MYO1E: variants seen among roughly 807,000 people sequenced by gnomAD.
MYO1E encodes the protein unconventional myosin-Ie.
A neutral mutation model predicts 151.1 loss-of-function variants in MYO1E; 68 were observed. The ratio of observed to expected loss-of-function variants is 0.45; its 90% CI spans 0.37 to 0.55. MYO1E has a LOEUF of 0.55. MYO1E is among the 20% of genes least tolerant of loss of function. The pLI, the probability that MYO1E is intolerant of heterozygous loss-of-function variation, is 0.00. For missense variants in MYO1E, 1,363 were observed against 1,389.3 expected (o/e 0.98, Z 0.30); for synonymous variants, 601 against 501.7 (o/e 1.20, Z -2.64).
In MYO1E at chr15:59,224,685, T is replaced by A. The variant is rs1181227074; in HGVS notation, c.777+4A>T. 2 of 1,614,092 alleles carry A rather than the reference T, an allele frequency of 1.2e-6. No individual in the cohort carries two copies. The highest frequency in any genetic ancestry group is 3.3e-5 in the Admixed American group (2 of 60,002). ...ATCCTGCCTGGCCCTGCGCCAGCACTTACCAGAGTTTCCTGAAACTCCCGC... is the reference window on the plus strand; with the variant it reads ...ATCCTGCCTGGCCCTGCGCCAGCACATACCAGAGTTTCCTGAAACTCCCGC... On this transcript the variant is annotated splice_donor_region_variant and intron_variant, in intron 8 of 27. Coordinates refer to ENST00000288235, the MANE Select transcript of MYO1E (RefSeq NM_004998.4).
chr15:59,349,255 C>T (rs1203411284), intron 1 of MYO1E, among the ~76,000 whole-genome samples: 1 of 152,122 alleles, frequency 6.6e-6, no homozygotes, highest in African/African-American at 2.4e-5. Context: ...GGTATATATG[C>T]ATATGCCTCC....
intron 1 of MYO1E, among the ~76,000 whole-genome samples, chr15:59,274,819 T>C (rs1222270400): frequency 6.6e-6 from 1 of 152,192 alleles, no homozygotes; most frequent in Non-Finnish European, 1.5e-5. Flanking sequence ...AGTTATTTCC[T>C]AGCAGAAAAG....
chr15:59,371,707 A>G (rs1427198949), intron 1 of MYO1E, among the ~76,000 whole-genome samples: 3 of 152,154 alleles, frequency 2.0e-5, no homozygotes, highest in Admixed American at 6.5e-5. Context: ...CGTCCCCTGG[A>G]TCCCCGAAAA....
At position 59,350,094 on chromosome 15, in the gene MYO1E, A is replaced by G. The variant is rs556694343; in HGVS notation, c.3+22404T>C. ...TTTATAATTTTCTTATTAATTGTCA[A>G]TACATCACCACTTGAATGAAAAGAG... On this transcript the variant is annotated intron_variant, in intron 1 of 27. Coordinates refer to ENST00000288235, the MANE Select transcript of MYO1E (RefSeq NM_004998.4). This position sits in a 1 kb window ranked among gnomAD's most constrained non-coding sequence, Gnocchi z 5.0. 4.6e-5 allele frequency among the ~76,000 whole-genome samples: 7 copies of G among 152,372 alleles called. No individual in the cohort carries two copies. Among genetic ancestry groups the G allele is most frequent in the Admixed American group, 6.5e-5 (1 of 15,308 alleles).
At position 59,209,405 on chromosome 15, in the gene MYO1E, T is replaced by C. The variant is rs1034517509; in HGVS notation, c.1363-557A>G. Among the ~76,000 whole-genome samples, 8 of 152,012 alleles carry C rather than the reference T, an allele frequency of 5.3e-5. No individual in the cohort carries two copies. The East Asian group carries it at 1.4e-3, about 26-fold the overall frequency. ...AATAACTAAGTTGTCTGGCCGGGCA[T>C]GGTGGCTCATGCCTGTAATCCCAGC... On this transcript the variant is annotated intron_variant, in intron 13 of 27. Coordinates refer to ENST00000288235, the MANE Select transcript of MYO1E (RefSeq NM_004998.4).
At chr15:59,199,506 G>C (rs2079788083) in intron 16 of MYO1E, among the ~76,000 whole-genome samples, 1 of 152,096 alleles carries the variant, frequency 6.6e-6, no homozygotes, top group African/African-American at 2.4e-5. Flanking sequence ...AGCATTTCAG[G>C]ATTTGAGATG....
Position 59,224,776 on chromosome 15 carries a change from G to C in MYO1E, c.690C>G (p.Thr230=). ...TCAGGTAGTAATAATAGTCCATGCTGGTGATGCCAAGGCTGTGTTTCTGCT... is the reference window on the plus strand; with the variant it reads ...TCAGGTAGTAATAATAGTCCATGCTCGTGATGCCAAGGCTGTGTTTCTGCT... ...SAEQKHSLGI[T]SMDYYYYLSL... is the part of the protein sequence containing the mutation. Residue 230 remains threonine (T), a synonymous_variant, in exon 8 of 28, where the codon ACC becomes ACG. Coordinates refer to ENST00000288235, the MANE Select transcript of MYO1E (RefSeq NM_004998.4). 5 of 1,614,204 alleles carry C rather than the reference G, an allele frequency of 3.1e-6. No individual in the cohort carries two copies. Among genetic ancestry groups the C allele is most frequent in the Non-Finnish European group, 4.2e-6 (5 of 1,180,032 alleles).
chr15:59,295,131 C>T (rs2080441317), intron 1 of MYO1E, among the ~76,000 whole-genome samples: 1 of 152,022 alleles, frequency 6.6e-6, no homozygotes, highest in Non-Finnish European at 1.5e-5. Flanking sequence ...TTATAAATGC[C>T]TGTTCAATGA....
chr15:59,225,254 T>A (rs1171431152), intron 7 of MYO1E, among the ~76,000 whole-genome samples: 1 of 152,308 alleles, frequency 6.6e-6, no homozygotes, highest in Non-Finnish European at 1.5e-5. Context: ...GACTGTGAAC[T>A]TCTCCAAGCT....
chr15:59,247,008 C>A (rs1050087364), intron 4 of MYO1E, among the ~76,000 whole-genome samples: 1 of 152,122 alleles, frequency 6.6e-6, no homozygotes, highest in Non-Finnish European at 1.5e-5. Context: ...CCAGCCTGGG[C>A]AACATAAGAA....
chr15:59,214,964 G>A (rs2079904136), intron 10 of MYO1E, among the ~76,000 whole-genome samples: 1 of 152,154 alleles, frequency 6.6e-6, no homozygotes, highest in Non-Finnish European at 1.5e-5. Flanking sequence ...GTTTAATGAT[G>A]ATAACCATTA....
intron 1 of MYO1E, among the ~76,000 whole-genome samples, chr15:59,295,854 G>C (rs2080445432): frequency 6.6e-6 from 1 of 152,094 alleles, no homozygotes; most frequent in African/African-American, 2.4e-5. Flanking sequence ...ACTTACCTCT[G>C]TGTATCTGTC....
chr15:59,149,040 T>TA (rs1251008280), intron 26 of MYO1E, among the ~76,000 whole-genome samples: 2 of 74,424 alleles, frequency 2.7e-5, no homozygotes, highest in African/African-American at 1.0e-4. Flanking sequence ...GATGAACTGT[T>TA]TTTTTTTTTT....
intron 1 of MYO1E, among the ~76,000 whole-genome samples, chr15:59,346,924 GA>G (rs11295137): frequency 0.25 from 33,058 of 131,144 alleles, 4,975 homozygotes; most frequent in African/African-American, 0.46. Context: ...CTCCCAAAAA[GA>G]AAAAAAAAAA....
intron 1 of MYO1E, among the ~76,000 whole-genome samples, chr15:59,371,774 T>C (rs2080946391): frequency 6.6e-6 from 1 of 150,658 alleles, no homozygotes; most frequent in African/African-American, 2.4e-5. Flanking sequence ...GGTGTTTACT[T>C]GGCGTCCGGG....
At chr15:59,339,616 T>C (rs1404512948) in intron 1 of MYO1E, among the ~76,000 whole-genome samples, 1 of 152,174 alleles carries the variant, frequency 6.6e-6, no homozygotes, top group African/African-American at 2.4e-5. Context: ...GTTTCTCTCC[T>C]AATAGGGTTG....
At chr15:59,277,229 T>C (rs1255069906) in intron 1 of MYO1E, among the ~76,000 whole-genome samples, 1 of 152,090 alleles carries the variant, frequency 6.6e-6, no homozygotes, top group Non-Finnish European at 1.5e-5. Flanking sequence ...CAGACCAATA[T>C]ATAAACATAG....
rs368081504 is a variant in MYO1E at position 59,176,816 on chromosome 15, T to C, written c.2049+1577A>G. Among the ~76,000 whole-genome samples the C allele has an allele frequency of 3.0e-4, 45 of 152,208 alleles. No individual in the cohort carries two copies. The East Asian group carries it at 8.5e-3, about 29-fold the overall frequency. Reference sequence around the variant, plus strand: ...CATGTCAGGGCTAGATGGGGATGTATGCGTTTGGGGCAGGGGAGAGAGCGG... The same window carrying C: ...CATGTCAGGGCTAGATGGGGATGTACGCGTTTGGGGCAGGGGAGAGAGCGG... On this transcript the variant is annotated intron_variant, in intron 19 of 27. Coordinates refer to ENST00000288235, the MANE Select transcript of MYO1E (RefSeq NM_004998.4).
At chr15:59,264,715 G>C (rs2080243122) in intron 2 of MYO1E, among the ~76,000 whole-genome samples, 1 of 152,112 alleles carries the variant, frequency 6.6e-6, no homozygotes, top group South Asian at 2.1e-4. Context: ...AATTGGTAAG[G>C]ACCTAATCAA....
Sources: allele counts gnomAD v4.1 joint callset (sites outside exome capture counted in the v4.1 genomes callset), GRCh38; gene constraint gnomAD v4.1.1; non-coding constraint Gnocchi (gnomAD v3.1); transcripts MANE v1.5; gene names NCBI Gene and HGNC (gene_info 2026-07-23, HGNC 2026-07-21).